MAPK4: variants seen among roughly 807,000 people sequenced by gnomAD.
MAPK4 encodes mitogen-activated protein kinase 4.
A neutral mutation model predicts 47.7 loss-of-function variants in MAPK4; 22 were observed. The ratio of observed to expected loss-of-function variants is 0.46; its 90% CI spans 0.33 to 0.66. The LOEUF is 0.66. Ranked by LOEUF, MAPK4 falls within the 30% of genes least tolerant of loss-of-function variation. The pLI is 0.02. For missense variants in MAPK4, 736 were observed against 831.7 expected, an observed-to-expected ratio of 0.88 and a Z score of 1.42; for synonymous variants, 390 against 365.7, an observed-to-expected ratio of 1.07 and a Z score of -0.76.
chr18:50,691,234 TC>T lies in MAPK4; in HGVS notation c.547-23843del, dbSNP rs1909200255. 2.0e-5 allele frequency among the ~76,000 whole-genome samples: 3 copies of T among 152,018 alleles called. No individual in the cohort carries two copies. The South Asian group carries it at 6.2e-4, about 32-fold the overall frequency. ...TCTCAAAACTCTTGATTGCAAGCAATCCGCCCGCCTTGGCCTCCCAGAGTGC... is the reference window on the plus strand; with the variant it reads ...TCTCAAAACTCTTGATTGCAAGCAATCGCCCGCCTTGGCCTCCCAGAGTGC... On this transcript the variant is annotated intron_variant, in intron 2 of 5. Transcript: ENST00000400384.
At chr18:50,702,564 T>C (rs1040097096) in intron 2 of MAPK4, among the ~76,000 whole-genome samples, 1 of 152,238 alleles carries the variant, frequency 6.6e-6, no homozygotes, top group African/African-American at 2.4e-5. Flanking sequence ...TTTAATTTGC[T>C]GCAGTTCCTT....
chr18:50,700,491 T>G (rs994024662), intron 2 of MAPK4, among the ~76,000 whole-genome samples: 1 of 152,196 alleles, frequency 6.6e-6, no homozygotes, highest in South Asian at 2.1e-4. Flanking sequence ...GCAAACCAAA[T>G]TCACTGGCAG....
chr18:50,658,857 A>G (rs2043139409), intron 1 of MAPK4, among the ~76,000 whole-genome samples: 1 of 152,194 alleles, frequency 6.6e-6, no homozygotes, highest in Non-Finnish European at 1.5e-5. Flanking sequence ...AGTGCAGTGC[A>G]GGAGGAGCCA....
At chr18:50,681,772 C>T (rs553966462) in intron 2 of MAPK4, among the ~76,000 whole-genome samples, 2 of 152,226 alleles carry the variant, frequency 1.3e-5, no homozygotes, top group South Asian at 2.1e-4. Flanking sequence ...CTGTATATAT[C>T]GCTGTTATTC....
At chr18:50,577,501 T>G (rs1457204943) in intron 1 of MAPK4, among the ~76,000 whole-genome samples, 1 of 152,138 alleles carries the variant, frequency 6.6e-6, no homozygotes, top group East Asian at 1.9e-4. Flanking sequence ...GGAATCAGAT[T>G]TTTTGTGAAG....
rs554517922 is a variant in MAPK4, at chr18:50,726,737, A to T, written c.1067+562A>T. Among the ~76,000 whole-genome samples the T allele has an allele frequency of 3.4e-5, 5 of 148,632 alleles. No homozygotes were observed. In the East Asian group the frequency reaches 9.8e-4, roughly 29 times the overall value. ...ACAAAGCAAGACCCCATCTCTACAA[A>T]TTTTTTTTTTTAATTAGCCAGGCAT... On this transcript the variant is annotated intron_variant, in intron 5 of 5. Coordinates refer to ENST00000400384, the MANE Select transcript of MAPK4 (RefSeq NM_002747.4).
At chr18:50,682,580 A>G (rs574214045) in intron 2 of MAPK4, among the ~76,000 whole-genome samples, 5 of 152,358 alleles carry the variant, frequency 3.3e-5, no homozygotes, top group African/African-American at 4.8e-5. Context: ...TATAAAAAGG[A>G]TAATACATAT....
intron 1 of MAPK4, among the ~76,000 whole-genome samples, chr18:50,631,611 C>A (rs1477083309): frequency 2.0e-5 from 3 of 152,166 alleles, no homozygotes; most frequent in African/African-American, 7.2e-5. Context: ...TTGCTCTGTC[C>A]TGCAAACTCA....
chr18:50,572,617 T>C (rs2042259625), intron 1 of MAPK4, among the ~76,000 whole-genome samples: 1 of 123,438 alleles, frequency 8.1e-6, no homozygotes. Flanking sequence ...GAAATGCATT[T>C]CTGAACTAGA....
chr18:50,725,423 T>C (rs544718849), intron 4 of MAPK4, among the ~76,000 whole-genome samples: 1 of 152,308 alleles, frequency 6.6e-6, no homozygotes, highest in East Asian at 1.9e-4. Context: ...CAGGGCTTCC[T>C]CAGGAGCAGG....
intron 2 of MAPK4, chr18:50,704,659 G>T (rs1385299257): frequency 3.5e-5 from 14 of 398,570 alleles, no homozygotes; most frequent in Non-Finnish European, 6.2e-5. Flanking sequence ...CCAGTCCTGT[G>T]GGGTGGGAGC....
rs534248123 is a variant in MAPK4 at position 50,730,934 on chromosome 18, G to A, written c.*1080G>A. On this transcript the variant is annotated 3_prime_UTR_variant, in exon 6 of 6. Coordinates refer to ENST00000400384, the MANE Select transcript of MAPK4 (RefSeq NM_002747.4). ...GCCATAGAGCAAATGTGTTAGGAGA[G>A]AAGGTTTCACATGGGACCCAACATC... The A allele has an allele frequency of 2.0e-5, 3 of 152,352 alleles. No homozygotes were observed. The East Asian group carries it at 5.8e-4, about 29-fold the overall frequency. The allele number at this position is 152,352 out of a possible 1,614,324, so 9.4% of individuals were successfully genotyped here. A position where few individuals can be genotyped will look rare whatever the true frequency, so the allele number is the denominator to read the frequency against.
At chr18:50,610,480 A>G (rs1443766125) in intron 1 of MAPK4, among the ~76,000 whole-genome samples, 1 of 152,232 alleles carries the variant, frequency 6.6e-6, no homozygotes, top group Non-Finnish European at 1.5e-5. Flanking sequence ...GCCAGGGTGA[A>G]GAGCCATCAC....
At chr18:50,696,712 G>GT (rs1360354957) in intron 2 of MAPK4, among the ~76,000 whole-genome samples, 3 of 152,182 alleles carry the variant, frequency 2.0e-5, no homozygotes, top group Non-Finnish European at 2.9e-5. Context: ...TTTTAACAGC[G>GT]TAACTTGTTT....
chr18:50,617,442 T>C (rs879820120), intron 1 of MAPK4, among the ~76,000 whole-genome samples: 5 of 152,192 alleles, frequency 3.3e-5, no homozygotes, highest in Non-Finnish European at 5.9e-5. Context: ...CATGGTATTA[T>C]GTTTTGTCAA....
chr18:50,606,213 C>T (rs942860462), intron 1 of MAPK4, among the ~76,000 whole-genome samples: 4 of 151,744 alleles, frequency 2.6e-5, no homozygotes, highest in Admixed American at 6.6e-5. Context: ...TTTTTGATGG[C>T]GATTTGACAG....
intron 2 of MAPK4, among the ~76,000 whole-genome samples, chr18:50,677,225 TC>T (rs899643600): frequency 8.5e-5 from 13 of 152,298 alleles, no homozygotes; most frequent in African/African-American, 3.1e-4. Context: ...ACGAAACTGA[TC>T]CCTGGTGCCA....
chr18:50,684,079 T>C (rs539494293), intron 2 of MAPK4, among the ~76,000 whole-genome samples: 3 of 152,018 alleles, frequency 2.0e-5, no homozygotes, highest in Non-Finnish European at 4.4e-5. Flanking sequence ...GTTGTGCAGA[T>C]GGAGGGTGCT....
intron 2 of MAPK4, among the ~76,000 whole-genome samples, chr18:50,713,045 C>T (rs560512122): frequency 3.0e-4 from 46 of 152,300 alleles, no homozygotes; most frequent in African/African-American, 1.1e-3. Flanking sequence ...CAAAAGGCTA[C>T]ATACTGTCAT....
Sources: gnomAD v4.1 joint callset for allele counts (sites outside exome capture counted in the v4.1 genomes callset) on GRCh38, gnomAD v4.1.1 for gene constraint, MANE v1.5 for transcripts, NCBI Gene and HGNC (gene_info 2026-07-23, HGNC 2026-07-21) for gene names.